ESRRG: variants seen among roughly 807,000 people sequenced by gnomAD.
The protein encoded by ESRRG is estrogen related receptor gamma.
Under a neutral mutation model 44.0 loss-of-function variants are expected in ESRRG, and 13 were observed. The ratio of observed to expected loss-of-function variants is 0.30; its 90% CI spans 0.19 to 0.47. The LOEUF is 0.47. ESRRG is among the 20% of genes least tolerant of loss of function. The pLI is 1.00. For missense variants in ESRRG, 395 were observed against 580.6 expected, an observed-to-expected ratio of 0.68 and a Z score of 3.29; for synonymous variants, 215 against 214.6, an observed-to-expected ratio of 1.00 and a Z score of -0.02.
At chr1:216,629,390 G>T (rs896782853) in intron 3 of ESRRG, among the ~76,000 whole-genome samples, 1 of 152,074 alleles carries the variant, frequency 6.6e-6, no homozygotes, top group African/African-American at 2.4e-5. Flanking sequence ...TGCCCATTGG[G>T]TTTATATGGA....
intron 1 of ESRRG, among the ~76,000 whole-genome samples, chr1:217,044,227 G>C (rs112940082): frequency 6.6e-6 from 1 of 152,022 alleles, no homozygotes; most frequent in Non-Finnish European, 1.5e-5. Flanking sequence ...CTCCCTTTTG[G>C]CTACATGGAA....
intron 5 of ESRRG, among the ~76,000 whole-genome samples, chr1:216,547,253 TTGA>T (rs55716294): frequency 3.3e-5 from 5 of 150,750 alleles, no homozygotes; most frequent in East Asian, 3.9e-4. Flanking sequence ...GTTGATGTTG[TTGA>T]TGATGATGAT....
chr1:217,027,752 T>G (rs1261739876), intron 1 of ESRRG, among the ~76,000 whole-genome samples: 1 of 152,084 alleles, frequency 6.6e-6, no homozygotes, highest in East Asian at 1.9e-4. Context: ...GGTTCCTAGT[T>G]TAGGATGGGA....
chr1:217,129,641 C>T (rs746456559), intron 1 of ESRRG, among the ~76,000 whole-genome samples: 3 of 152,088 alleles, frequency 2.0e-5, no homozygotes, highest in South Asian at 2.1e-4. Flanking sequence ...ACTCATGTTA[C>T]AATATGGATG....
intron 2 of ESRRG, among the ~76,000 whole-genome samples, chr1:216,930,139 C>T (rs2063145804): frequency 6.6e-6 from 1 of 152,146 alleles, no homozygotes; most frequent in South Asian, 2.1e-4. Flanking sequence ...CTTTCTCTGA[C>T]TCACTTCTCC....
intron 2 of ESRRG, among the ~76,000 whole-genome samples, chr1:216,897,259 T>C (rs1252275812): frequency 6.6e-6 from 1 of 152,164 alleles, no homozygotes; most frequent in Non-Finnish European, 1.5e-5. Flanking sequence ...TGTGGGGAAT[T>C]GAGATGCCAC....
At position 216,981,899 on chromosome 1, in the gene ESRRG, A is replaced by G. The variant is rs116270223; in HGVS notation, c.-105-42226T>C. Among the ~76,000 whole-genome samples, 332 of 152,342 alleles carry G rather than the reference A, an allele frequency of 2.2e-3. 1 individual carries two copies. The highest frequency in any genetic ancestry group is 6.6e-3 in the African/African-American group (276 of 41,590). On this transcript the variant is annotated intron_variant, in intron 1 of 7. Coordinates refer to the ESRRG transcript ENST00000359162. ...TCTCACCATGTCATGGCCTGTGATG[A>G]CTTAGTGTCTCCCAAGCATGACCAA...
Position 216,782,287 on chromosome 1 carries a change from G to A in ESRRG, c.-13-104796C>T, listed in dbSNP as rs1016827643. 1.6e-4 allele frequency among the ~76,000 whole-genome samples: 25 copies of A among 152,122 alleles called. No individual in the cohort carries two copies. The East Asian group carries it at 4.9e-3, about 30-fold the overall frequency. On this transcript the variant is annotated intron_variant, in intron 2 of 7. Coordinates refer to the ESRRG transcript ENST00000359162. ...TTTGCACTTGTTACAGGATGACTGA[G>A]TAAGTCTCTCATGGCATTGCCACCT...
At chr1:216,608,991 T>C (rs1245027392) in intron 3 of ESRRG, among the ~76,000 whole-genome samples, 2 of 152,212 alleles carry the variant, frequency 1.3e-5, no homozygotes, top group African/African-American at 2.4e-5. Flanking sequence ...ATGAGCATCT[T>C]TCTTGGCTAC....
At chr1:216,519,829 G>GAAAAAAAAAAAAAAAAAA (rs1558227299) in intron 5 of ESRRG, among the ~76,000 whole-genome samples, 2 of 141,772 alleles carry the variant, frequency 1.4e-5, no homozygotes, top group African/African-American at 2.6e-5. Flanking sequence ...AAAAAAAAAA[G>GAAAAAAAAAAAAAAAAAA]AAGAAGAAGG....
At chr1:216,643,525 A>C (rs1439882761) in intron 3 of ESRRG, among the ~76,000 whole-genome samples, 1 of 152,166 alleles carries the variant, frequency 6.6e-6, no homozygotes, top group Non-Finnish European at 1.5e-5. Context: ...TGTCAAGCTA[A>C]AGGATTTAAG....
chr1:216,607,849 T>C (rs1026407683), intron 3 of ESRRG, among the ~76,000 whole-genome samples: 11 of 152,094 alleles, frequency 7.2e-5, no homozygotes, highest in African/African-American at 2.7e-4. Flanking sequence ...TGATAACAAA[T>C]GAAAACACTG....
At chr1:216,516,551 A>G (rs1343136936) in intron 6 of ESRRG, among the ~76,000 whole-genome samples, 1 of 151,868 alleles carries the variant, frequency 6.6e-6, no homozygotes, top group Non-Finnish European at 1.5e-5. Context: ...AAGCTAAGAT[A>G]CCTACCTAAA....
intron 1 of ESRRG, among the ~76,000 whole-genome samples, chr1:217,064,021 G>A (rs2089137318): frequency 6.6e-6 from 1 of 151,680 alleles, no homozygotes; most frequent in Admixed American, 6.6e-5. Context: ...AAATAGGTGT[G>A]TGTATATATA....
At chr1:216,769,862 G>A (rs2093305201) in intron 2 of ESRRG, among the ~76,000 whole-genome samples, 1 of 152,104 alleles carries the variant, frequency 6.6e-6, no homozygotes. Context: ...ATATGAGGTG[G>A]TATGGAAACT....
At chr1:216,923,387 T>C (rs768541742) in intron 2 of ESRRG, among the ~76,000 whole-genome samples, 4 of 151,942 alleles carry the variant, frequency 2.6e-5, no homozygotes, top group Non-Finnish European at 5.9e-5. Flanking sequence ...TCCCTGAATA[T>C]GGAAACAAAA....
At chr1:216,667,983 G>A (rs1004999988) in intron 2 of ESRRG, among the ~76,000 whole-genome samples, 36 of 151,570 alleles carry the variant, frequency 2.4e-4, no homozygotes, top group African/African-American at 8.7e-4. Flanking sequence ...TGTAATCCCA[G>A]CCACTCAGAA....
At chr1:217,071,841 T>G (rs1284548419) in intron 1 of ESRRG, among the ~76,000 whole-genome samples, 1 of 152,180 alleles carries the variant, frequency 6.6e-6, no homozygotes, top group Non-Finnish European at 1.5e-5. Flanking sequence ...TGAAGAGTAG[T>G]TCAGTTACTT....
At chr1:217,052,882 A>C (rs1455827513) in intron 1 of ESRRG, among the ~76,000 whole-genome samples, 1 of 152,174 alleles carries the variant, frequency 6.6e-6, no homozygotes, top group Non-Finnish European at 1.5e-5. Context: ...ACGCTTGATC[A>C]CTAAAAGGGC....
Sources: gnomAD v4.1 joint callset for allele counts (sites outside exome capture counted in the v4.1 genomes callset) on GRCh38, gnomAD v4.1.1 for gene constraint, MANE v1.5 for transcripts, NCBI Gene and HGNC (gene_info 2026-07-23, HGNC 2026-07-21) for gene names.